The following DRC8 variants were observed in gnomAD, a reference collection of about 807,000 sequenced individuals.
DRC8 encodes the protein dynein regulatory complex protein 8.
the DRC8 span, chr1:245,091,652 T>C: frequency 3.3e-4 from 50 of 152,348 alleles, no homozygotes; most frequent in African/African-American, 1.2e-3. Flanking sequence ...GAGTTGGCTT[T>C]GTGGAATGTA....
the DRC8 span, among the ~76,000 whole-genome samples, chr1:245,118,672 TC>T: frequency 2.6e-5 from 4 of 151,916 alleles, no homozygotes; most frequent in African/African-American, 9.7e-5. Flanking sequence ...ATGCCTGTAA[TC>T]CCAGCTACTC....
At chr1:245,121,477 C>T in the DRC8 span, among the ~76,000 whole-genome samples, 827 of 152,310 alleles carry the variant, frequency 5.4e-3, 5 homozygotes, top group African/African-American at 0.019. Context: ...ATGGCAGAGA[C>T]AGCCCATGGT....
At chr1:245,007,764 A>G in the DRC8 span, among the ~76,000 whole-genome samples, 1 of 102,176 alleles carries the variant, frequency 9.8e-6, no homozygotes, top group Non-Finnish European at 2.4e-5. Flanking sequence ...ACCTTCCCCA[A>G]GTCCCTGAGA....
the DRC8 span, among the ~76,000 whole-genome samples, chr1:245,089,719 C>A: frequency 6.6e-6 from 1 of 151,920 alleles, no homozygotes; most frequent in African/African-American, 2.4e-5. The surrounding 1 kb of genome is among the most constrained non-coding windows in gnomAD (Gnocchi z 4.8). Flanking sequence ...ACAAGTTATT[C>A]GGCAGTGAAG....
the DRC8 span, among the ~76,000 whole-genome samples, chr1:245,013,403 G>A: frequency 2.0e-5 from 3 of 152,088 alleles, no homozygotes; most frequent in Non-Finnish European, 4.4e-5. Flanking sequence ...TGGCAGTGTC[G>A]TAACCAGAGA....
the DRC8 span, chr1:244,970,106 C>T: frequency 1.5e-6 from 1 of 673,058 alleles, no homozygotes; most frequent in Non-Finnish European, 2.7e-6. Flanking sequence ...GGGTTGGGGA[C>T]CGTGTGATGA....
the DRC8 span, among the ~76,000 whole-genome samples, chr1:245,055,202 A>G: frequency 2.0e-5 from 3 of 152,212 alleles, no homozygotes; most frequent in African/African-American, 7.2e-5. Context: ...TTCATGGCAT[A>G]ACCAGCAAGA....
the DRC8 span, among the ~76,000 whole-genome samples, chr1:245,094,828 C>G: frequency 2.0e-5 from 3 of 152,108 alleles, no homozygotes; most frequent in Admixed American, 6.5e-5. Flanking sequence ...AGAGGAAAAC[C>G]CCTTAATTCC....
chr1:245,019,755 CAACATGGTGA>C, the DRC8 span, among the ~76,000 whole-genome samples: 3 of 152,026 alleles, frequency 2.0e-5, no homozygotes, highest in Non-Finnish European at 4.4e-5. Context: ...CCAGCCTGGC[CAACATGGTGA>C]AACCTCATCT....
At chr1:244,990,474 A>G in the DRC8 span, among the ~76,000 whole-genome samples, 2 of 152,182 alleles carry the variant, frequency 1.3e-5, no homozygotes, top group Non-Finnish European at 2.9e-5. Flanking sequence ...AGACTACTGC[A>G]CTTGATCATT....
the DRC8 span, chr1:245,017,337 AT>A: frequency 0.19 from 205,668 of 1,083,314 alleles, 6,916 homozygotes; most frequent in East Asian, 0.29. Context: ...GTGTGGAAAT[AT>A]TTTTTTTTTT....
At chr1:245,093,362 A>G in the DRC8 span, among the ~76,000 whole-genome samples, 3,239 of 152,220 alleles carry the variant, frequency 0.021, 118 homozygotes, top group African/African-American at 0.068. Context: ...TCTAGTGGAG[A>G]AAACACTCTT....
chr1:245,090,197 G>A, the DRC8 span, among the ~76,000 whole-genome samples: 1 of 152,308 alleles, frequency 6.6e-6, no homozygotes, highest in East Asian at 1.9e-4. Flanking sequence ...ACGCATGAGG[G>A]AAAGACCCAG....
At chr1:244,972,827 A>C in the DRC8 span, among the ~76,000 whole-genome samples, 2 of 152,026 alleles carry the variant, frequency 1.3e-5, no homozygotes, top group Non-Finnish European at 2.9e-5. Context: ...AAAAAAAAAA[A>C]AAACAAAAAC....
At chr1:245,084,072 C>CCCT in the DRC8 span, among the ~76,000 whole-genome samples, 3 of 109,122 alleles carry the variant, frequency 2.7e-5, 1 homozygote, top group Non-Finnish European at 4.0e-5. Context: ...GCCCCCCCCC[C>CCCT]GGCGCCCCGG....
At chr1:245,106,759 T>C in the DRC8 span, among the ~76,000 whole-genome samples, 35 of 152,334 alleles carry the variant, frequency 2.3e-4, 2 homozygotes, top group East Asian at 6.6e-3. Context: ...TCATATGATA[T>C]GGTGGCCTGG....
the DRC8 span, among the ~76,000 whole-genome samples, chr1:245,021,979 A>G: frequency 6.6e-6 from 1 of 151,846 alleles, no homozygotes; most frequent in Non-Finnish European, 1.5e-5. Context: ...AGAACTTTTT[A>G]CTTATTTCCG....
At chr1:245,117,740 A>G in the DRC8 span, among the ~76,000 whole-genome samples, 3 of 152,188 alleles carry the variant, frequency 2.0e-5, no homozygotes. Context: ...AGGCCAAGGC[A>G]AGCGGATCGC....
the DRC8 span, among the ~76,000 whole-genome samples, chr1:244,972,570 C>T: frequency 6.6e-6 from 1 of 152,182 alleles, no homozygotes; most frequent in Non-Finnish European, 1.5e-5. Context: ...CCTGCAATCC[C>T]AGCACTTTGG....
Sources: gnomAD v4.1 joint callset for allele counts (sites outside exome capture counted in the v4.1 genomes callset) on GRCh38, gnomAD v4.1.1 for gene constraint, Gnocchi (gnomAD v3.1) non-coding constraint, MANE v1.5 for transcripts, NCBI Gene and HGNC (gene_info 2026-07-23, HGNC 2026-07-21) for gene names.